MEIOSIN: variants seen among roughly 807,000 people sequenced by gnomAD.
MEIOSIN encodes meiosis initiator protein.
In MEIOSIN, 18 loss-of-function variants were observed where a neutral mutation model predicts 23.4. The ratio of observed to expected loss-of-function variants is 0.77; its 90% CI spans 0.53 to 1.14. MEIOSIN has a LOEUF of 1.14. Ranked by LOEUF, MEIOSIN falls within the 50% of genes most tolerant of loss-of-function variation. MEIOSIN has a pLI of 0.00. For missense variants in MEIOSIN, 428 were observed against 242.9 expected (o/e 1.76, Z -5.07); for synonymous variants, 187 against 100.6 (o/e 1.86, Z -5.14).
chr19:45,740,682 G>A (rs1324327291), intron 3 of MEIOSIN, among the ~76,000 whole-genome samples: 1 of 151,500 alleles, frequency 6.6e-6, no homozygotes, highest in African/African-American at 2.4e-5. Context: ...CCCAGGAGAC[G>A]GAGGTTGCAG....
At chr19:45,758,734 T>C in intron 9 of MEIOSIN, 144 bp from the exon 10 acceptor site, 1 of 603,018 alleles carries the variant, frequency 1.7e-6, no homozygotes, top group South Asian at 2.0e-5. Context: ...CGGCTGCCTC[T>C]TCATTTCTGT....
intron 3 of MEIOSIN, among the ~76,000 whole-genome samples, chr19:45,741,325 C>T (rs189203405): frequency 2.0e-5 from 3 of 149,296 alleles, no homozygotes; most frequent in African/African-American, 7.4e-5. Flanking sequence ...CCAGCCTGGA[C>T]AAGAGCGAGA....
intron 13 of MEIOSIN, among the ~76,000 whole-genome samples, chr19:45,763,031 C>G (rs186205934): frequency 1.8e-3 from 280 of 152,312 alleles, no homozygotes; most frequent in Non-Finnish European, 3.0e-3. Flanking sequence ...CAACCCTGAA[C>G]CAGTCACTGC....
At chr19:45,759,373 A>C in intron 10 of MEIOSIN, 41 bp from the exon 11 acceptor site, 1 of 702,298 alleles carries the variant, frequency 1.4e-6, no homozygotes, top group Non-Finnish European at 2.6e-6. Flanking sequence ...GTGTGGGAGA[A>C]GCATTTCCAC....
rs1286185874 is a variant in MEIOSIN, at chr19:45,739,772, A to C, written c.176+42A>C. 1.0e-5 allele frequency: 7 copies of C among 703,158 alleles called. No homozygotes were observed. The Admixed American group carries it at 1.4e-4, about 14-fold the overall frequency. The allele number at this position is 703,158 out of a possible 1,614,324, so 43.6% of individuals were successfully genotyped here. A position where few individuals can be genotyped will look rare whatever the true frequency, so the allele number is the denominator to read the frequency against. On this transcript the variant is annotated intron_variant, in intron 3 of 14. Coordinates refer to ENST00000457052, the MANE Select transcript of MEIOSIN (RefSeq NM_001310124.2). ...AGGGGGGATTGGATGTTGGCCAAGCAAAAACATAGCCCATTGTTCAACACC... is the reference window on the plus strand; with the variant it reads ...AGGGGGGATTGGATGTTGGCCAAGCCAAAACATAGCCCATTGTTCAACACC...
chr19:45,757,533 T>G (rs1327752999), intron 9 of MEIOSIN, among the ~76,000 whole-genome samples: 5 of 152,194 alleles, frequency 3.3e-5, no homozygotes, highest in Admixed American at 2.6e-4. Context: ...GTTTGTTTTC[T>G]TTTTTGAGAT....
rs1267264742 is a variant in MEIOSIN at position 45,739,655 on chromosome 19, G to A, written c.101G>A (p.Gly34Glu). ...RTLVLCSLVEGEDKVNPSEPH... is the reference protein window; with the variant it reads ...RTLVLCSLVEEEDKVNPSEPH... Reference sequence around the variant, plus strand: ...TTGGTTTTGTGCTCCCTAGTGGAAGGGGAAGATAAGGTCAACCCCTCCGAA... The same window carrying A: ...TTGGTTTTGTGCTCCCTAGTGGAAGAGGAAGATAAGGTCAACCCCTCCGAA... The change falls in exon 3 of 15, where the codon GGG (glycine) becomes GAG (glutamate). Residue 34 changes from glycine (G) to glutamate (E), a missense_variant. By Grantham distance (98) the Gly-to-Glu change is moderately conservative. Transcript: ENST00000457052. 2 of 703,120 alleles carry A rather than the reference G, an allele frequency of 2.8e-6. No homozygotes were observed. Among genetic ancestry groups the A allele is most frequent in the African/African-American group, 3.5e-5 (2 of 57,230 alleles). 43.6% of individuals were successfully genotyped at this position (703,120 alleles called of 1,614,324 possible). A position where few individuals can be genotyped will look rare whatever the true frequency, so the allele number is the denominator to read the frequency against.
At chr19:45,740,724 TG>T (rs1200317344) in intron 3 of MEIOSIN, among the ~76,000 whole-genome samples, 1 of 150,706 alleles carries the variant, frequency 6.6e-6, no homozygotes, top group Non-Finnish European at 1.5e-5. Flanking sequence ...TACTCCAGCC[TG>T]GGCAACAAGG....
intron 9 of MEIOSIN, 117 bp downstream of exon 9, chr19:45,757,394 C>A: frequency 1.7e-6 from 1 of 596,248 alleles, no homozygotes. Context: ...CCCCTAAGCA[C>A]AGGGAAGGCA....
chr19:45,749,204 C>T (rs903588978), intron 4 of MEIOSIN, among the ~76,000 whole-genome samples: 10 of 151,500 alleles, frequency 6.6e-5, no homozygotes, highest in Non-Finnish European at 1.0e-4. Context: ...AACCTCATCT[C>T]GATAAAAAAT....
intron 13 of MEIOSIN, 90 bp from the exon 14 acceptor site, chr19:45,763,248 C>T (rs1464745404): frequency 2.5e-6 from 1 of 397,536 alleles, no homozygotes; most frequent in African/African-American, 2.1e-5. Flanking sequence ...TCTTGGAGGC[C>T]TTGTAGACCC....
chr19:45,751,035 G>A (rs1454264463), intron 5 of MEIOSIN, among the ~76,000 whole-genome samples: 1 of 152,124 alleles, frequency 6.6e-6, no homozygotes, highest in African/African-American at 2.4e-5. Flanking sequence ...CACTTTGGGA[G>A]GCCGAGGCGG....
intron 1 of MEIOSIN, among the ~76,000 whole-genome samples, chr19:45,734,683 T>C (rs1201605318): frequency 6.6e-6 from 1 of 151,220 alleles, no homozygotes. Flanking sequence ...TTTTTTTTTT[T>C]TTTGTAGAGG....
intron 3 of MEIOSIN, among the ~76,000 whole-genome samples, chr19:45,744,711 G>A (rs7246660): frequency 0.02 from 2,985 of 151,392 alleles, 97 homozygotes; most frequent in African/African-American, 0.069. Context: ...GGGTTCAAGG[G>A]ATTCTCCTGC....
At chr19:45,758,585 C>A (rs955946518) in intron 9 of MEIOSIN, among the ~76,000 whole-genome samples, 3 of 151,772 alleles carry the variant, frequency 2.0e-5, no homozygotes, top group African/African-American at 4.8e-5. Context: ...CGTGCCACTA[C>A]CCCCAGCTAA....
chr19:45,748,147 G>A (rs530005422), intron 4 of MEIOSIN, among the ~76,000 whole-genome samples: 148 of 151,360 alleles, frequency 9.8e-4, no homozygotes, highest in African/African-American at 3.1e-3. Flanking sequence ...GCACCATCTC[G>A]GCTCACTGCA....
chr19:45,760,328 C>T (rs973373258), intron 11 of MEIOSIN, among the ~76,000 whole-genome samples: 1 of 152,182 alleles, frequency 6.6e-6, no homozygotes, highest in Non-Finnish European at 1.5e-5. Flanking sequence ...AGTGTCCGGG[C>T]GTGGTGGCTC....
intron 9 of MEIOSIN, among the ~76,000 whole-genome samples, chr19:45,757,807 CA>C (rs1366198563): frequency 6.6e-6 from 1 of 152,016 alleles, no homozygotes; most frequent in Non-Finnish European, 1.5e-5. Flanking sequence ...AGGCATGAAC[CA>C]CCCCTCCGAA....
intron 13 of MEIOSIN, among the ~76,000 whole-genome samples, chr19:45,762,421 T>G (rs1293455464): frequency 1.3e-5 from 2 of 151,476 alleles, no homozygotes; most frequent in Non-Finnish European, 2.9e-5. Flanking sequence ...AAAAAAGGAG[T>G]TTTTTTTGTT....
Sources: gnomAD v4.1 joint callset for allele counts (sites outside exome capture counted in the v4.1 genomes callset) on GRCh38, gnomAD v4.1.1 for gene constraint, MANE v1.5 for transcripts, NCBI Gene and HGNC (gene_info 2026-07-23, HGNC 2026-07-21) for gene names.